PTPRD: variants seen among roughly 807,000 people sequenced by gnomAD.
PTPRD encodes the protein receptor-type tyrosine-protein phosphatase delta.
Under a neutral mutation model 214.5 loss-of-function variants are expected in PTPRD, and 34 were observed. The ratio of observed to expected loss-of-function variants is 0.16; its 90% CI spans 0.12 to 0.21. PTPRD has a LOEUF of 0.21. Among genes scored for constraint, PTPRD ranks in the 10% least tolerant of loss-of-function variants. The pLI, the probability that PTPRD is intolerant of heterozygous loss-of-function variation, is 1.00. For synonymous variants in PTPRD, 1,128 were observed against 845.7 expected, an observed-to-expected ratio of 1.33 and a Z score of -5.79; for missense variants, 2,545 against 2,398.7, an observed-to-expected ratio of 1.06 and a Z score of -1.27.
chr9:8,804,124 T>C (rs185526200), intron 11 of PTPRD, among the ~76,000 whole-genome samples: 36 of 152,116 alleles, frequency 2.4e-4, no homozygotes, highest in Middle Eastern at 3.4e-3. Flanking sequence ...CACTAATTTT[T>C]GTATTTTTAG....
chr9:9,855,308 A>G (rs1487484313), intron 5 of PTPRD, among the ~76,000 whole-genome samples: 1 of 152,214 alleles, frequency 6.6e-6, no homozygotes, highest in Non-Finnish European at 1.5e-5. Flanking sequence ...AGTATTCAAT[A>G]TATGGTAACA....
chr9:8,813,278 C>G (rs10758994), intron 11 of PTPRD, among the ~76,000 whole-genome samples: 25,194 of 151,946 alleles, frequency 0.17, 2,585 homozygotes, highest in African/African-American at 0.29. Context: ...GGGGCAGAGG[C>G]TGGAGGAAGA....
At chr9:8,618,914 GTTTTTTTT>G (rs554282961) in intron 14 of PTPRD, among the ~76,000 whole-genome samples, 6 of 67,798 alleles carry the variant, frequency 8.8e-5, no homozygotes, top group African/African-American at 1.7e-4. Context: ...GTGTTTTTTT[GTTTTTTTT>G]TTTTTTTTTT....
chr9:8,890,254 G>C (rs979528741), intron 11 of PTPRD, among the ~76,000 whole-genome samples: 1 of 152,176 alleles, frequency 6.6e-6, no homozygotes, highest in East Asian at 1.9e-4. Context: ...AATGGATTGA[G>C]AATGAAAAAT....
intron 3 of PTPRD, among the ~76,000 whole-genome samples, chr9:10,143,130 G>A (rs186103171): frequency 6.6e-6 from 1 of 151,972 alleles, no homozygotes; most frequent in Non-Finnish European, 1.5e-5. Context: ...GTTGTGAGGT[G>A]GGGGGAGGGG....
At chr9:10,232,214 A>G (rs917453677) in intron 3 of PTPRD, among the ~76,000 whole-genome samples, 2 of 151,660 alleles carry the variant, frequency 1.3e-5, no homozygotes, top group Admixed American at 6.6e-5. Flanking sequence ...AGCTAAATAC[A>G]CCTTTTTTCC....
At chr9:10,110,323 T>C (rs759926521) in intron 3 of PTPRD, among the ~76,000 whole-genome samples, 3 of 152,166 alleles carry the variant, frequency 2.0e-5, no homozygotes, top group Non-Finnish European at 4.4e-5. Flanking sequence ...TTGCTGTCAT[T>C]CTGTAGGAAG....
chr9:10,130,399 C>G (rs954406053), intron 3 of PTPRD, among the ~76,000 whole-genome samples: 1 of 152,064 alleles, frequency 6.6e-6, no homozygotes, highest in African/African-American at 2.4e-5. Flanking sequence ...GATCTTTCCC[C>G]ATTAACCTAT....
intron 11 of PTPRD, among the ~76,000 whole-genome samples, chr9:8,940,280 C>CTCTCTCCTTTGTT (rs2099023955): frequency 2.2e-5 from 2 of 89,050 alleles, no homozygotes; most frequent in Non-Finnish European, 4.1e-5. Flanking sequence ...TCTCTCTCTC[C>CTCTCTCCTTTGTT]TTTTTTTTTT....
chr9:8,986,346 G>A (rs994866463), intron 11 of PTPRD, among the ~76,000 whole-genome samples: 1 of 151,866 alleles, frequency 6.6e-6, no homozygotes, highest in Admixed American at 6.6e-5. Context: ...TTGCAGAAGG[G>A]TTAAAAATGT....
intron 3 of PTPRD, among the ~76,000 whole-genome samples, chr9:10,306,255 C>T (rs1364211470): frequency 7.6e-6 from 1 of 130,914 alleles, no homozygotes; most frequent in Non-Finnish European, 1.5e-5. Context: ...GGGAACATCA[C>T]ATGCTGGGGC....
chr9:9,963,433 A>G (rs2094487915), intron 4 of PTPRD, among the ~76,000 whole-genome samples: 1 of 152,122 alleles, frequency 6.6e-6, no homozygotes, highest in Non-Finnish European at 1.5e-5. Flanking sequence ...CTTTATAATT[A>G]ACCTCTGCTT....
intron 3 of PTPRD, among the ~76,000 whole-genome samples, chr9:10,166,313 C>T (rs957391923): frequency 6.7e-6 from 1 of 148,924 alleles, no homozygotes; most frequent in African/African-American, 2.5e-5. Flanking sequence ...ATCTGTCTAA[C>T]ATCCTATCAG....
At chr9:10,480,483 T>C (rs1301509854) in intron 2 of PTPRD, among the ~76,000 whole-genome samples, 1 of 152,122 alleles carries the variant, frequency 6.6e-6, no homozygotes, top group African/African-American at 2.4e-5. Context: ...TGGCAATTCA[T>C]ATGCCATACT....
At chr9:10,349,413 A>G (rs910174804) in intron 2 of PTPRD, among the ~76,000 whole-genome samples, 1 of 152,212 alleles carries the variant, frequency 6.6e-6, no homozygotes, top group East Asian at 1.9e-4. Flanking sequence ...CAGATAAATT[A>G]TTCCAGTTAA....
At chr9:10,144,863 C>T (rs1015825620) in intron 3 of PTPRD, among the ~76,000 whole-genome samples, 3 of 151,904 alleles carry the variant, frequency 2.0e-5, no homozygotes, top group Non-Finnish European at 2.9e-5. Context: ...TGGGATAATA[C>T]TGATTTTTTT....
chr9:8,560,196 T>C (rs1443392818), intron 14 of PTPRD, among the ~76,000 whole-genome samples: 1 of 152,202 alleles, frequency 6.6e-6, no homozygotes, highest in Non-Finnish European at 1.5e-5. Flanking sequence ...GAACAATGTT[T>C]ATAATCTCTC....
intron 11 of PTPRD, among the ~76,000 whole-genome samples, chr9:8,847,773 T>C (rs1377360846): frequency 6.6e-6 from 1 of 152,090 alleles, no homozygotes; most frequent in African/African-American, 2.4e-5. Flanking sequence ...AATAATCAAA[T>C]CATCCACCCT....
intron 11 of PTPRD, among the ~76,000 whole-genome samples, chr9:8,944,723 G>A (rs1431055744): frequency 6.6e-6 from 1 of 152,068 alleles, no homozygotes; most frequent in Non-Finnish European, 1.5e-5. Flanking sequence ...CATGGAGATA[G>A]GATGACGGTT....
Sources: allele counts gnomAD v4.1 joint callset (sites outside exome capture counted in the v4.1 genomes callset), GRCh38; gene constraint gnomAD v4.1.1; transcripts MANE v1.5; gene names NCBI Gene and HGNC (gene_info 2026-07-23, HGNC 2026-07-21).